The following CCND3 variants were observed in gnomAD, a reference collection of about 807,000 sequenced individuals.
The protein encoded by CCND3 is G1/S-specific cyclin-D3.
CCND3 carries 9 observed loss-of-function variants against 28.7 expected under a neutral mutation model. The ratio of observed to expected loss-of-function variants is 0.31; its 90% CI spans 0.19 to 0.55. CCND3 has a LOEUF of 0.55. CCND3 is among the 20% of genes least tolerant of loss of function. The pLI, the probability that CCND3 is intolerant of heterozygous loss-of-function variation, is 0.93. For synonymous variants in CCND3, 164 were observed against 163.9 expected (o/e 1.00, Z 0.00); for missense variants, 315 against 385.8 (o/e 0.82, Z 1.54).
intron 1 of CCND3, among the ~76,000 whole-genome samples, chr6:41,972,240 A>AAAAG (rs59527289): frequency 0.15 from 15,002 of 98,810 alleles, 1,251 homozygotes; most frequent in Middle Eastern, 0.22. Context: ...AAAAAAAAAA[A>AAAAG]AAAAGAAAAG....
intron 1 of CCND3, among the ~76,000 whole-genome samples, chr6:41,959,679 T>TCCGTCTCAAAAAAA (rs772818142): frequency 6.1e-5 from 9 of 147,206 alleles, no homozygotes; most frequent in East Asian, 2.0e-4. Context: ...ACAGCAAGAC[T>TCCGTCTCAAAAAAA]AAATCAGGCC....
intron 1 of CCND3, among the ~76,000 whole-genome samples, chr6:41,964,437 T>C (rs879648112): frequency 1.3e-5 from 2 of 150,668 alleles, no homozygotes; most frequent in Non-Finnish European, 3.0e-5. Flanking sequence ...TTTGTGTGTA[T>C]GTGTGAATGT....
At chr6:41,997,588 TG>T (rs1401425410) in intron 1 of CCND3, among the ~76,000 whole-genome samples, 1 of 152,014 alleles carries the variant, frequency 6.6e-6, no homozygotes, top group Non-Finnish European at 1.5e-5. Context: ...AAAGCCAAAG[TG>T]GGAGCTCAAA....
At chr6:41,967,538 C>T (rs1416742307) in intron 1 of CCND3, among the ~76,000 whole-genome samples, 1 of 152,172 alleles carries the variant, frequency 6.6e-6, no homozygotes, top group Non-Finnish European at 1.5e-5. Flanking sequence ...TAGACAATAA[C>T]CTGCACATGA....
At chr6:41,970,396 A>G (rs544531129) in intron 1 of CCND3, among the ~76,000 whole-genome samples, 1 of 152,198 alleles carries the variant, frequency 6.6e-6, no homozygotes, top group Non-Finnish European at 1.5e-5. Flanking sequence ...TGGGATGGTA[A>G]TATCTATCTT....
At position 41,940,667 on chromosome 6, in the gene CCND3, G is replaced by A. The variant is rs1054007731; in HGVS notation, c.199-82C>T. 5 of 992,714 alleles carry A rather than the reference G, an allele frequency of 5.0e-6. No homozygotes were observed. In the African/African-American group the frequency reaches 6.3e-5, roughly 13 times the overall value. 61.5% of individuals were successfully genotyped at this position (992,714 alleles called of 1,614,324 possible). A position where few individuals can be genotyped will look rare whatever the true frequency, so the allele number is the denominator to read the frequency against. On this transcript the variant is annotated intron_variant, in intron 1 of 4. Transcript: ENST00000372991. Reference sequence around the variant, plus strand: ...GGGGGTGGGAGCGCTGAAGTGAGGTGGGATAGGGAGCAAAAACGGCAGAGA... The same window carrying A: ...GGGGGTGGGAGCGCTGAAGTGAGGTAGGATAGGGAGCAAAAACGGCAGAGA...
intron 1 of CCND3, among the ~76,000 whole-genome samples, chr6:42,045,620 G>A (rs944847520): frequency 2.0e-5 from 3 of 152,226 alleles, no homozygotes; most frequent in Admixed American, 1.3e-4. Flanking sequence ...ACGAATCCCA[G>A]GGGAATTCCA....
chr6:41,993,410 CTTTTTTTTTTT>C (rs70987558), intron 1 of CCND3, among the ~76,000 whole-genome samples: 2 of 101,692 alleles, frequency 2.0e-5, no homozygotes, highest in African/African-American at 3.7e-5. Context: ...CTCATGTCTT[CTTTTTTTTTTT>C]TTTTTTTTGA....
chr6:41,975,555 C>T (rs553761491), intron 1 of CCND3, among the ~76,000 whole-genome samples: 29 of 152,214 alleles, frequency 1.9e-4, no homozygotes, highest in Non-Finnish European at 3.8e-4. Context: ...TCGGCTGGCA[C>T]ATTATCTTAC....
Position 41,941,100 on chromosome 6 carries a change from G to A in CCND3, c.198+352C>T. The A allele has an allele frequency of 2.0e-6, 3 of 1,534,170 alleles. No individual in the cohort carries two copies. Among genetic ancestry groups the A allele is most frequent in the South Asian group, 2.5e-5 (2 of 78,962 alleles). ...CCGGCTCCCGGGCGGGGGCGGCCGA[G>A]CCCAGGGTTTTCCAGGCGCGCTCTC... On this transcript the variant is annotated intron_variant, in intron 1 of 4. Coordinates refer to ENST00000372991, the MANE Select transcript of CCND3 (RefSeq NM_001760.5). The surrounding 1 kb of genome is among the most constrained non-coding windows in gnomAD (Gnocchi z 6.1).
chr6:42,003,162 C>A (rs200239113), intron 1 of CCND3, among the ~76,000 whole-genome samples: 237 of 110,228 alleles, frequency 2.2e-3, no homozygotes, highest in East Asian at 3.3e-3. Context: ...AACAGCGTGT[C>A]AAAAAAAAAA....
At chr6:41,990,216 A>C (rs550571853) in intron 1 of CCND3, among the ~76,000 whole-genome samples, 2 of 152,164 alleles carry the variant, frequency 1.3e-5, no homozygotes, top group East Asian at 1.9e-4. Context: ...TAAAAAAAAA[A>C]CCTACAAATA....
chr6:41,941,023 G>A lies in CCND3; in HGVS notation c.198+429C>T. 1 of 1,609,760 alleles carries A rather than the reference G, an allele frequency of 6.2e-7. No homozygotes were observed. Among genetic ancestry groups the A allele is most frequent in the South Asian group, 1.1e-5 (1 of 90,944 alleles). ...ATTTCCCTGTCGGCCGGAACAGGGCGCGCGCCACCCCCATCGCCTTCCCCG... is the reference window on the plus strand; with the variant it reads ...ATTTCCCTGTCGGCCGGAACAGGGCACGCGCCACCCCCATCGCCTTCCCCG... On this transcript the variant is annotated intron_variant, in intron 1 of 4. Transcript: ENST00000372991. This position sits in a 1 kb window ranked among gnomAD's most constrained non-coding sequence, Gnocchi z 6.1.
chr6:41,990,660 A>ATTTTTTTTTT lies in CCND3; in HGVS notation c.-45-50085_-45-50076dup, dbSNP rs67939325. Among the ~76,000 whole-genome samples the ATTTTTTTTTT allele has an allele frequency of 3.0e-4, 36 of 121,272 alleles. 15 individuals are homozygous for ATTTTTTTTTT. Among genetic ancestry groups the ATTTTTTTTTT allele is most frequent in the Non-Finnish European group, 2.6e-4 (16 of 60,716 alleles). The allele number at this position is 121,272 out of a possible 152,430, so 79.6% of individuals were successfully genotyped here. A position where few individuals can be genotyped will look rare whatever the true frequency, so the allele number is the denominator to read the frequency against. On this transcript the variant is annotated intron_variant, in intron 1 of 4. Transcript: ENST00000372988. ...TAGTCCATGAATCTATAACCAACTGATTTTTTTTTTTTTTTTTTTTTTTTT... is the reference window on the plus strand; with the variant it reads ...TAGTCCATGAATCTATAACCAACTGATTTTTTTTTTTTTTTTTTTTTTTTTTTTTTTTTTT...
At chr6:41,988,699 C>CCT (rs1762556677) in intron 1 of CCND3, among the ~76,000 whole-genome samples, 1 of 96,730 alleles carries the variant, frequency 1.0e-5, no homozygotes. Context: ...AACTTCTTTT[C>CCT]TTTTTTTTTT....
chr6:42,039,229 A>G (rs1429027762), intron 1 of CCND3, among the ~76,000 whole-genome samples: 1 of 152,226 alleles, frequency 6.6e-6, no homozygotes, highest in Non-Finnish European at 1.5e-5. Flanking sequence ...AGAGACTTTA[A>G]TAGTAACTTT....
At chr6:41,956,804 G>A (rs1302192661) in intron 1 of CCND3, among the ~76,000 whole-genome samples, 6 of 151,944 alleles carry the variant, frequency 3.9e-5, no homozygotes, top group African/African-American at 7.2e-5. Flanking sequence ...TGAGGCGGGC[G>A]GATCACGAGG....
chr6:42,025,069 T>A (rs981026210), intron 1 of CCND3, among the ~76,000 whole-genome samples: 2 of 151,534 alleles, frequency 1.3e-5, no homozygotes, highest in Non-Finnish European at 1.5e-5. Flanking sequence ...AAAAATAAAG[T>A]CAAATAAAAT....
chr6:41,950,865 C>A (rs1181378732), intron 1 of CCND3, among the ~76,000 whole-genome samples: 10 of 151,910 alleles, frequency 6.6e-5, no homozygotes, highest in Non-Finnish European at 8.8e-5. Context: ...CCCCCCACCA[C>A]GCCCAGCTAA....
Sources: gnomAD v4.1 joint callset for allele counts (sites outside exome capture counted in the v4.1 genomes callset) on GRCh38, gnomAD v4.1.1 for gene constraint, Gnocchi (gnomAD v3.1) non-coding constraint, MANE v1.5 for transcripts, NCBI Gene and HGNC (gene_info 2026-07-23, HGNC 2026-07-21) for gene names.